Variants in CLDN16 observed in about 807,000 individuals in gnomAD.
CLDN16 encodes the protein claudin-16.
Under a neutral mutation model 24.6 loss-of-function variants are expected in CLDN16, and 13 were observed. That is an observed-to-expected ratio of 0.53 (90% CI 0.34 to 0.84). The LOEUF is 0.84. CLDN16 is among the 40% of genes least tolerant of loss of function. CLDN16 has a pLI of 0.01. For missense variants in CLDN16, 298 were observed against 292.7 expected (o/e 1.02, Z -0.13); for synonymous variants, 116 against 106.7 (o/e 1.09, Z -0.54).
chr3:190,298,348 T>TACACACACACACACACACACACAC, the CLDN16 span, among the ~76,000 whole-genome samples: 366 of 147,942 alleles, frequency 2.5e-3, 1 homozygote, highest in Admixed American at 4.2e-3. Flanking sequence ...ATGTATATTA[T>TACACACACACACACACACACACAC]ACACACACAC....
At chr3:190,357,348 T>A (rs1340698212) in intron 1 of CLDN16, among the ~76,000 whole-genome samples, 2 of 151,890 alleles carry the variant, frequency 1.3e-5, no homozygotes, top group African/African-American at 2.4e-5. Context: ...GGTTTGAAAA[T>A]TTTCTCATAT....
At chr3:190,396,319 TGTAA>T (rs1395989105) in intron 1 of CLDN16, among the ~76,000 whole-genome samples, 1 of 152,174 alleles carries the variant, frequency 6.6e-6, no homozygotes, top group African/African-American at 2.4e-5. Flanking sequence ...ACCAAATCAA[TGTAA>T]GCTCTTCAGT....
In CLDN16 at chr3:190,363,210, T is replaced by C. The variant is rs1717937575; in HGVS notation, n.122-7683T>C. The stretch of plus-strand genomic sequence containing the variant: ...AGGTCATTATTTTTTTCTTTTTGAC[T>C]GTTCAATTTGCTATTGACACCATTC... On this transcript the variant is annotated intron_variant and non_coding_transcript_variant, in intron 1 of 4. Coordinates refer to the CLDN16 transcript ENST00000468220. 2.0e-5 allele frequency among the ~76,000 whole-genome samples: 3 copies of C among 151,908 alleles called. No individual in the cohort carries two copies. In the South Asian group the frequency reaches 6.2e-4, roughly 31 times the overall value.
intron 1 of CLDN16, among the ~76,000 whole-genome samples, chr3:190,393,104 T>C (rs1384644342): frequency 2.0e-5 from 3 of 152,138 alleles, no homozygotes; most frequent in Non-Finnish European, 4.4e-5. Flanking sequence ...AGAGTTATAA[T>C]TGACTGCATG....
rs143928537 is a variant in CLDN16, at chr3:190,357,972, T to A, written n.122-12921T>A. 1.1e-3 allele frequency among the ~76,000 whole-genome samples: 164 copies of A among 152,052 alleles called. 1 individual carries two copies. Among genetic ancestry groups the A allele is most frequent in the African/African-American group, 3.7e-3 (155 of 41,544 alleles). On this transcript the variant is annotated intron_variant and non_coding_transcript_variant, in intron 1 of 4. Coordinates refer to the CLDN16 transcript ENST00000468220. ...GTTTGTTTTACTTTCATATTTTTTATATTCCCCTGGGTCATGGGAACTAGC... is the reference window on the plus strand; with the variant it reads ...GTTTGTTTTACTTTCATATTTTTTAAATTCCCCTGGGTCATGGGAACTAGC...
At chr3:190,373,047 T>A (rs1227420767) in intron 2 of CLDN16, among the ~76,000 whole-genome samples, 1 of 152,000 alleles carries the variant, frequency 6.6e-6, no homozygotes, top group East Asian at 1.9e-4. Context: ...TGCCTTCCAG[T>A]CCCTGACATA....
chr3:190,337,891 C>G (rs150166470), intron 1 of CLDN16, among the ~76,000 whole-genome samples: 1 of 152,298 alleles, frequency 6.6e-6, no homozygotes, highest in East Asian at 1.9e-4. Flanking sequence ...AAGATATCCC[C>G]TGATCCTATG....
intron 1 of CLDN16, among the ~76,000 whole-genome samples, chr3:190,336,357 C>G (rs184496394): frequency 6.6e-6 from 1 of 152,284 alleles, no homozygotes; most frequent in Non-Finnish European, 1.5e-5. Context: ...GATTCAGTGG[C>G]TTGCCACATA....
chr3:190,340,595 G>A (rs1717404785), intron 1 of CLDN16, among the ~76,000 whole-genome samples: 2 of 152,152 alleles, frequency 1.3e-5, no homozygotes, highest in Admixed American at 1.3e-4. Context: ...ATCAAGATGA[G>A]ATTTGGGTGG....
chr3:190,316,554 A>C, the CLDN16 span, among the ~76,000 whole-genome samples: 2 of 152,196 alleles, frequency 1.3e-5, no homozygotes, highest in African/African-American at 4.8e-5. Flanking sequence ...GTGCAGATCA[A>C]ATCTAAATTG....
chr3:190,354,751 A>G (rs760703013), intron 1 of CLDN16, among the ~76,000 whole-genome samples: 30 of 152,072 alleles, frequency 2.0e-4, no homozygotes, highest in Non-Finnish European at 3.4e-4. Flanking sequence ...CTGCCGTTAA[A>G]GAATGAAGCA....
rs532245223 is a variant in CLDN16, at chr3:190,408,408, A to G, written c.477A>G (p.Gln159=). 21 of 1,614,102 alleles carry G rather than the reference A, an allele frequency of 1.3e-5. No individual in the cohort carries two copies. The Admixed American group carries it at 2.5e-4, about 19-fold the overall frequency. Residue 159 remains glutamine, a synonymous_variant, in exon 4 of 5, where the codon CAA becomes CAG. Coordinates refer to ENST00000264734, the MANE Select transcript of CLDN16 (RefSeq NM_006580.4). ...TGCACAATATATTTCTTGGTATCCA[A>G]TATAAATTTGGTTGGTCCTGTTGGC... is the stretch of plus-strand genomic sequence containing the variant. ...LVLHNIFLGI[Q]YKFGWSCWLG... is the part of the protein sequence containing the mutation.
intron 1 of CLDN16, among the ~76,000 whole-genome samples, chr3:190,370,625 T>C (rs1370915488): frequency 1.3e-5 from 2 of 151,950 alleles, no homozygotes; most frequent in African/African-American, 4.8e-5. Context: ...TGATTTTAAG[T>C]GCACTCATGA....
At chr3:190,312,907 A>G in the CLDN16 span, 1 of 1,614,216 alleles carries the variant, frequency 6.2e-7, no homozygotes, top group Non-Finnish European at 8.5e-7. Context: ...AATGACAGCC[A>G]TCCTCATCTT....
At chr3:190,348,162 G>C (rs920232666) in intron 1 of CLDN16, among the ~76,000 whole-genome samples, 1 of 148,772 alleles carries the variant, frequency 6.7e-6, no homozygotes, top group Non-Finnish European at 1.5e-5. Context: ...GGCTGAGGCA[G>C]GAGAATTGCT....
the CLDN16 span, among the ~76,000 whole-genome samples, chr3:190,303,486 G>C: frequency 6.6e-6 from 1 of 152,178 alleles, no homozygotes; most frequent in Non-Finnish European, 1.5e-5. Flanking sequence ...TGGTGTGTGG[G>C]GGGGTTTGGG....
intron 1 of CLDN16, among the ~76,000 whole-genome samples, chr3:190,335,098 C>G (rs547895034): frequency 6.8e-6 from 1 of 147,406 alleles, no homozygotes; most frequent in South Asian, 2.1e-4. Flanking sequence ...GGCTAGAGTG[C>G]AGTGGCACGA....
chr3:190,339,915 G>T (rs1717391156), intron 1 of CLDN16, among the ~76,000 whole-genome samples: 1 of 152,090 alleles, frequency 6.6e-6, no homozygotes, highest in African/African-American at 2.4e-5. Flanking sequence ...AAAGTCAGCA[G>T]TTAAATATTA....
At chr3:190,319,105 G>A (rs965056567), upstream of CLDN16, among the ~76,000 whole-genome samples, 1 of 152,060 alleles carries the variant, frequency 6.6e-6, no homozygotes, top group South Asian at 2.1e-4. Flanking sequence ...GCCTCCTACA[G>A]CAACTCAATC....
Sources: gnomAD v4.1 joint callset for allele counts (sites outside exome capture counted in the v4.1 genomes callset) on GRCh38, gnomAD v4.1.1 for gene constraint, MANE v1.5 for transcripts, NCBI Gene and HGNC (gene_info 2026-07-23, HGNC 2026-07-21) for gene names.